Variants in LHX4 observed in about 807,000 individuals in gnomAD.
LHX4 encodes LIM homeobox 4.
In LHX4, 16 loss-of-function variants were observed where a neutral mutation model predicts 39.2. The ratio of observed to expected loss-of-function variants is 0.41; its 90% CI spans 0.28 to 0.62. The LOEUF (loss-of-function observed/expected upper bound fraction) is 0.62, where lower values mean the gene tolerates loss of function less well. LHX4 is among the 20% of genes least tolerant of loss of function. The pLI is 0.33. For synonymous variants in LHX4, 206 were observed against 198.1 expected (o/e 1.04, Z -0.33); for missense variants, 439 against 511.9 (o/e 0.86, Z 1.37).
chr1:180,261,217 G>C (rs1156379853), intron 2 of LHX4, among the ~76,000 whole-genome samples: 2 of 151,032 alleles, frequency 1.3e-5, no homozygotes, highest in South Asian at 4.2e-4. Flanking sequence ...GGAGAGGGGA[G>C]CTGACCGCTG....
At chr1:180,231,061 CGGA>C (rs1664164717) in intron 1 of LHX4, among the ~76,000 whole-genome samples, 1 of 152,076 alleles carries the variant, frequency 6.6e-6, no homozygotes, top group Non-Finnish European at 1.5e-5. Context: ...GGGCTGGCGG[CGGA>C]GAAGCCCCGG....
chr1:180,242,502 A>G (rs2149254606), intron 1 of LHX4, among the ~76,000 whole-genome samples: 1 of 152,148 alleles, frequency 6.6e-6, no homozygotes, highest in East Asian at 1.9e-4. Context: ...CTGTGTGTAT[A>G]TATATATATC....
chr1:180,265,551 C>G (rs1648278098), intron 2 of LHX4, among the ~76,000 whole-genome samples: 2 of 152,206 alleles, frequency 1.3e-5, no homozygotes, highest in Admixed American at 1.3e-4. Context: ...CAGGGGGTGG[C>G]TTGCTTGGTA....
intron 2 of LHX4, among the ~76,000 whole-genome samples, chr1:180,251,886 A>G (rs369097003): frequency 6.6e-6 from 1 of 152,144 alleles, no homozygotes; most frequent in South Asian, 2.1e-4. Flanking sequence ...TGAGGAGGGG[A>G]GTTCAAAGCT....
At position 180,230,351 on chromosome 1, in the gene LHX4, CG is replaced by C. The variant is rs1664146586; in HGVS notation, c.-173del. 1.6e-6 allele frequency: 1 copy of C among 644,488 alleles called. No homozygotes were observed. Among genetic ancestry groups the C allele is most frequent in the Non-Finnish European group, 2.8e-6 (1 of 356,764 alleles). The allele number at this position is 644,488 out of a possible 1,614,324, so 39.9% of individuals were successfully genotyped here. A position where few individuals can be genotyped will look rare whatever the true frequency, so the allele number is the denominator to read the frequency against. Reference sequence around the variant, plus strand: ...GGACTGGAAACAGACTGGGGACTGGCGGGGGGAGGGGGCCGGCCAGCCTGTG... The same window carrying C: ...GGACTGGAAACAGACTGGGGACTGGCGGGGGAGGGGGCCGGCCAGCCTGTG... On this transcript the variant is annotated 5_prime_UTR_variant, in exon 1 of 6. An upstream open reading frame in the 5' UTR gains an earlier in-frame stop. Transcript: ENST00000263726. The surrounding 1 kb of genome is among the most constrained non-coding windows in gnomAD (Gnocchi z 5.8).
At chr1:180,251,497 G>C (rs1647626639) in intron 2 of LHX4, among the ~76,000 whole-genome samples, 1 of 152,176 alleles carries the variant, frequency 6.6e-6, no homozygotes, top group South Asian at 2.1e-4. Flanking sequence ...CGTGTGCCTG[G>C]TTTATCTTCC....
At chr1:180,261,302 A>G (rs566556435) in intron 2 of LHX4, among the ~76,000 whole-genome samples, 9 of 151,892 alleles carry the variant, frequency 5.9e-5, no homozygotes, top group Non-Finnish European at 8.8e-5. Flanking sequence ...GAAGGGAGGC[A>G]GGCAGGGATC....
intron 2 of LHX4, among the ~76,000 whole-genome samples, chr1:180,257,621 CA>C (rs1288789685): frequency 6.6e-6 from 1 of 152,202 alleles, no homozygotes; most frequent in Non-Finnish European, 1.5e-5. Context: ...TAAATATCAG[CA>C]ACTTTCCTGT....
At chr1:180,258,699 G>A (rs1424870436) in intron 2 of LHX4, among the ~76,000 whole-genome samples, 2 of 152,168 alleles carry the variant, frequency 1.3e-5, no homozygotes, top group African/African-American at 4.8e-5. Context: ...ACCTACGCAG[G>A]AGGCTGAGGC....
chr1:180,271,417 C>T lies in LHX4; in HGVS notation c.489C>T (p.Thr163=), dbSNP rs774896638. 3 of 1,614,150 alleles carry T rather than the reference C, an allele frequency of 1.9e-6. No homozygotes were observed. The highest frequency in any genetic ancestry group is 2.5e-6 in the Non-Finnish European group (3 of 1,180,028). The change falls in exon 4 of 6, where the codon ACC becomes ACT. Residue 163 remains threonine (T), a synonymous_variant. Transcript: ENST00000263726. ...CTGGAGCTAAGCGGCCCCGGACCAC[C>T]ATCACAGCCAAGCAGCTGGAGACAT... The part of the protein sequence containing the change: ...SEAGAKRPRT[T]ITAKQLETLK...
At chr1:180,233,692 G>A (rs1205742294) in intron 1 of LHX4, among the ~76,000 whole-genome samples, 1 of 152,150 alleles carries the variant, frequency 6.6e-6, no homozygotes, top group Non-Finnish European at 1.5e-5. Flanking sequence ...GGCACCGAGG[G>A]AAAGGACGAC....
intron 1 of LHX4, among the ~76,000 whole-genome samples, chr1:180,239,445 C>A (rs1664400719): frequency 6.6e-6 from 1 of 152,208 alleles, no homozygotes; most frequent in Non-Finnish European, 1.5e-5. Flanking sequence ...TTTGGCGTCT[C>A]CTTTCAGTTA....
chr1:180,264,611 T>A (rs1483785842), intron 2 of LHX4, among the ~76,000 whole-genome samples: 2 of 152,242 alleles, frequency 1.3e-5, no homozygotes, highest in African/African-American at 4.8e-5. Flanking sequence ...TCTGCTGATT[T>A]ATTTATTCAA....
At chr1:180,243,999 C>T (rs1647288800) in intron 1 of LHX4, among the ~76,000 whole-genome samples, 1 of 152,188 alleles carries the variant, frequency 6.6e-6, no homozygotes, top group Admixed American at 6.5e-5. Flanking sequence ...GGTTGGAATT[C>T]TGGCTCCCCC....
chr1:180,264,150 G>C (rs1354130604), intron 2 of LHX4, among the ~76,000 whole-genome samples: 1 of 151,904 alleles, frequency 6.6e-6, no homozygotes, highest in African/African-American at 2.4e-5. Context: ...ATTTTTTGTA[G>C]AGGCAGGGAT....
chr1:180,251,099 T>C (rs1647609435), intron 2 of LHX4, among the ~76,000 whole-genome samples: 4 of 152,202 alleles, frequency 2.6e-5, no homozygotes, highest in Non-Finnish European at 5.9e-5. Context: ...CAGGTGGGCC[T>C]TCCCGCCAGG....
intron 1 of LHX4, among the ~76,000 whole-genome samples, chr1:180,240,319 C>T (rs894582174): frequency 2.0e-5 from 3 of 152,236 alleles, no homozygotes; most frequent in South Asian, 4.1e-4. Flanking sequence ...CAGGTGTGAG[C>T]CACCGTGCCC....
intron 2 of LHX4, among the ~76,000 whole-genome samples, chr1:180,258,670 A>G (rs1647974635): frequency 6.6e-6 from 1 of 152,074 alleles, no homozygotes; most frequent in Non-Finnish European, 1.5e-5. Context: ...TGGGCGTGGT[A>G]GTTCACTTCT....
chr1:180,235,217 C>G (rs1050995890), intron 1 of LHX4, among the ~76,000 whole-genome samples: 5 of 152,272 alleles, frequency 3.3e-5, no homozygotes, highest in African/African-American at 1.2e-4. Context: ...TTGGCCCTTG[C>G]AGTCCATCCG....
Sources: gnomAD v4.1 joint callset for allele counts (sites outside exome capture counted in the v4.1 genomes callset) on GRCh38, gnomAD v4.1.1 for gene constraint, Gnocchi (gnomAD v3.1) non-coding constraint, MANE v1.5 for transcripts, NCBI Gene and HGNC (gene_info 2026-07-23, HGNC 2026-07-21) for gene names.